Variants in LOC400499 observed in about 807,000 individuals in gnomAD.
chr16:11,470,358 C>CT, the LOC400499 span, among the ~76,000 whole-genome samples: 1 of 152,218 alleles, frequency 6.6e-6, no homozygotes, highest in Non-Finnish European at 1.5e-5. Context: ...GGAACACACT[C>CT]TGCGAGTACC....
the LOC400499 span, chr16:11,442,313 C>T: frequency 1.3e-5 from 2 of 152,460 alleles, no homozygotes; most frequent in Non-Finnish European, 2.9e-5. Context: ...CTCCACCTCC[C>T]AGGTTCAAGC....
At chr16:11,478,774 T>C in the LOC400499 span, 1 of 398,442 alleles carries the variant, frequency 2.5e-6, no homozygotes, top group Non-Finnish European at 4.4e-6. Context: ...AAATCTCATC[T>C]CATAGCTCCC....
At chr16:11,511,032 CT>C in the LOC400499 span, among the ~76,000 whole-genome samples, 1 of 150,508 alleles carries the variant, frequency 6.6e-6, no homozygotes, top group African/African-American at 2.5e-5. Flanking sequence ...GGGTCTCACT[CT>C]GTCGCCAGGC....
At chr16:11,499,913 C>T in the LOC400499 span, among the ~76,000 whole-genome samples, 7 of 152,340 alleles carry the variant, frequency 4.6e-5, no homozygotes, top group East Asian at 1.4e-3. Flanking sequence ...CTTGGGCAAG[C>T]TGCCCTACCT....
the LOC400499 span, chr16:11,431,126 G>C: frequency 2.8e-5 from 11 of 398,974 alleles, no homozygotes; most frequent in Non-Finnish European, 4.9e-5. Flanking sequence ...TGCCGGGTTT[G>C]GCTCTGGAAA....
At chr16:11,517,487 G>C in the LOC400499 span, among the ~76,000 whole-genome samples, 1 of 152,268 alleles carries the variant, frequency 6.6e-6, no homozygotes, top group South Asian at 2.1e-4. Context: ...CCACATTCTG[G>C]ATGAGGAAAC....
chr16:11,458,049 A>C, the LOC400499 span, among the ~76,000 whole-genome samples: 1 of 152,124 alleles, frequency 6.6e-6, no homozygotes, highest in Non-Finnish European at 1.5e-5. Flanking sequence ...CGAAAAATAC[A>C]AAAAATTAGC....
the LOC400499 span, among the ~76,000 whole-genome samples, chr16:11,414,078 TGCAGGGCAGAAGGAC>T: frequency 2.6e-5 from 4 of 152,140 alleles, no homozygotes; most frequent in Admixed American, 6.6e-5. Flanking sequence ...GACCCAAGAT[TGCAGGGCAGAAGGAC>T]GCAGGGCAGG....
the LOC400499 span, among the ~76,000 whole-genome samples, chr16:11,388,623 T>C: frequency 6.6e-6 from 1 of 152,224 alleles, no homozygotes; most frequent in East Asian, 1.9e-4. Context: ...ACCCCCGTGT[T>C]CTCAACACAG....
At chr16:11,433,072 C>T in the LOC400499 span, among the ~76,000 whole-genome samples, 4 of 152,114 alleles carry the variant, frequency 2.6e-5, no homozygotes, top group African/African-American at 7.2e-5. Flanking sequence ...TTTATTGGAG[C>T]ACAATCATGC....
the LOC400499 span, among the ~76,000 whole-genome samples, chr16:11,466,748 T>C: frequency 6.6e-6 from 1 of 152,216 alleles, no homozygotes; most frequent in Non-Finnish European, 1.5e-5. Flanking sequence ...GTCAGTTCTA[T>C]ACCCTTTCAT....
chr16:11,393,145 C>T, the LOC400499 span, among the ~76,000 whole-genome samples: 3 of 124,322 alleles, frequency 2.4e-5, no homozygotes, highest in Middle Eastern at 4.0e-3. Flanking sequence ...TGAGCCACCA[C>T]GCCTGGCCAC....
At chr16:11,440,536 A>G in the LOC400499 span, among the ~76,000 whole-genome samples, 55 of 152,188 alleles carry the variant, frequency 3.6e-4, no homozygotes, top group Admixed American at 4.6e-4. Flanking sequence ...AGAGCCAAAC[A>G]TTGTTTACAA....
the LOC400499 span, among the ~76,000 whole-genome samples, chr16:11,506,257 T>A: frequency 6.6e-6 from 1 of 152,234 alleles, no homozygotes; most frequent in East Asian, 1.9e-4. Flanking sequence ...ACTCCTGACC[T>A]CAGGTGATCT....
chr16:11,399,323 G>T, the LOC400499 span: 1 of 1,073,152 alleles, frequency 9.3e-7, no homozygotes, highest in Non-Finnish European at 1.2e-6. Flanking sequence ...TCACAGATGA[G>T]AACACTAAGG....
chr16:11,465,766 G>A, the LOC400499 span, among the ~76,000 whole-genome samples: 5 of 147,532 alleles, frequency 3.4e-5, no homozygotes, highest in East Asian at 4.0e-4. Context: ...AAGAGAAGGC[G>A]GGGGGTGGGC....
chr16:11,375,581 G>A, the LOC400499 span, among the ~76,000 whole-genome samples: 1 of 151,860 alleles, frequency 6.6e-6, no homozygotes, highest in Non-Finnish European at 1.5e-5. Context: ...CCAAAGTGCT[G>A]GGATTACAGG....
At chr16:11,451,349 G>A in the LOC400499 span, among the ~76,000 whole-genome samples, 1 of 152,200 alleles carries the variant, frequency 6.6e-6, no homozygotes, top group Non-Finnish European at 1.5e-5. Context: ...GGAGGCCAAG[G>A]CAGGAGGATC....
At chr16:11,380,034 TGTAACCTCAA>T in the LOC400499 span, among the ~76,000 whole-genome samples, 1 of 152,160 alleles carries the variant, frequency 6.6e-6, no homozygotes, top group Non-Finnish European at 1.5e-5. Flanking sequence ...CACAGCTCAA[TGTAACCTCAA>T]GCCCCTGGAC....
Sources: allele counts gnomAD v4.1 joint callset (sites outside exome capture counted in the v4.1 genomes callset), GRCh38; gene constraint gnomAD v4.1.1; transcripts MANE v1.5.